PCDH15: variants seen among roughly 807,000 people sequenced by gnomAD.
PCDH15 encodes the protein protocadherin related 15, also known as protocadherin-15.
Under a neutral mutation model 178.5 loss-of-function variants are expected in PCDH15, and 129 were observed. The observed-to-expected ratio is 0.72, with a 90% CI of 0.63 to 0.84. PCDH15 has a LOEUF of 0.84. Among genes scored for constraint, PCDH15 ranks in the 40% least tolerant of loss-of-function variants. The pLI is 0.00. For missense variants in PCDH15, 2,230 were observed against 2,099.9 expected, an observed-to-expected ratio of 1.06 and a Z score of -1.21; for synonymous variants, 800 against 732.0, an observed-to-expected ratio of 1.09 and a Z score of -1.50.
intron 1 of PCDH15, among the ~76,000 whole-genome samples, chr10:54,683,612 A>G (rs1223001524): frequency 6.6e-6 from 1 of 152,062 alleles, no homozygotes; most frequent in Non-Finnish European, 1.5e-5. Context: ...AATTGATTTC[A>G]TTTCTTTATA....
intron 2 of PCDH15, among the ~76,000 whole-genome samples, chr10:55,369,043 G>C (rs1206779361): frequency 8.4e-6 from 1 of 118,790 alleles, no homozygotes; most frequent in African/African-American, 3.1e-5. Flanking sequence ...ACCCCAGCAA[G>C]AACATTGAAA....
At chr10:54,272,707 A>C (rs1271250117) in intron 8 of PCDH15, among the ~76,000 whole-genome samples, 1 of 152,108 alleles carries the variant, frequency 6.6e-6, no homozygotes, top group Non-Finnish European at 1.5e-5. Context: ...ACGCATCCTA[A>C]ACCAAACCAA....
chr10:55,541,866 G>T (rs1335339167), intron 2 of PCDH15, among the ~76,000 whole-genome samples: 1 of 151,872 alleles, frequency 6.6e-6, no homozygotes, highest in Non-Finnish European at 1.5e-5. Flanking sequence ...TCTCTCAGAA[G>T]CAGCGATTTG....
rs890495910 is a variant in PCDH15, at chr10:53,825,072, T to G, written c.4367+2321A>C. 16 of 1,456,406 alleles carry G rather than the reference T, an allele frequency of 1.1e-5. 1 individual carries two copies. The highest frequency in any genetic ancestry group is 4.4e-5 in the African/African-American group (3 of 68,726). The allele number at this position is 1,456,406 out of a possible 1,614,324, so 90.2% of individuals were successfully genotyped here. The stretch of plus-strand genomic sequence containing the variant: ...ACTGTATTTACAGTACAACAGCATT[T>G]TAATCTGTTCTATTGTATCTATTTT... On this transcript the variant is annotated intron_variant, in intron 32 of 37. Transcript: ENST00000644397.
At chr10:55,519,922 T>G in intron 2 of PCDH15, among the ~76,000 whole-genome samples, 2 of 151,062 alleles carry the variant, frequency 1.3e-5, no homozygotes, top group South Asian at 2.1e-4. Context: ...TGAATGTTAC[T>G]TAACTTCTCT....
intron 8 of PCDH15, among the ~76,000 whole-genome samples, chr10:54,308,815 C>G (rs1003898025): frequency 1.5e-4 from 23 of 151,766 alleles, no homozygotes; most frequent in Admixed American, 1.4e-3. Context: ...CCCCATGTCA[C>G]ACACCACTTT....
intron 2 of PCDH15, among the ~76,000 whole-genome samples, chr10:54,621,872 A>G (rs1480734296): frequency 6.6e-6 from 1 of 152,066 alleles, no homozygotes; most frequent in Admixed American, 6.6e-5. Flanking sequence ...CGATGTTGTA[A>G]AGGGGAAGAA....
intron 18 of PCDH15, among the ~76,000 whole-genome samples, chr10:54,028,491 A>G (rs1245043095): frequency 6.6e-6 from 1 of 152,064 alleles, no homozygotes; most frequent in Non-Finnish European, 1.5e-5. Flanking sequence ...ATGCACACAT[A>G]TGTTTATTGT....
At chr10:54,163,655 A>C (rs969271959) in intron 13 of PCDH15, among the ~76,000 whole-genome samples, 2 of 152,128 alleles carry the variant, frequency 1.3e-5, no homozygotes, top group Non-Finnish European at 2.9e-5. Context: ...ATAAAGAACT[A>C]AGAGGGATTT....
intron 3 of PCDH15, among the ~76,000 whole-genome samples, chr10:54,817,331 T>C (rs1952963061): frequency 6.6e-6 from 1 of 152,028 alleles, no homozygotes; most frequent in South Asian, 2.1e-4. Context: ...TATGTTATTT[T>C]AGAAATGAGG....
chr10:53,853,231 C>T (rs2078505492), intron 28 of PCDH15, among the ~76,000 whole-genome samples: 1 of 150,244 alleles, frequency 6.7e-6, no homozygotes, highest in African/African-American at 2.4e-5. Flanking sequence ...AAAAAAAAGG[C>T]TGGACCCTTA....
chr10:54,428,888 A>AGAC (rs1475043280), intron 3 of PCDH15, among the ~76,000 whole-genome samples: 1 of 152,220 alleles, frequency 6.6e-6, no homozygotes, highest in Non-Finnish European at 1.5e-5. Context: ...AGAGAAATAA[A>AGAC]GACCTTCACA....
At position 54,213,879 on chromosome 10, in the gene PCDH15, G is replaced by A. The variant is rs1473935121; in HGVS notation, c.1098+57C>T. ...AAAACTGCCTACAGTAGCGTCTACA[G>A]ATTTATCTGATTAGCAGTTCATAAA... On this transcript the variant is annotated intron_variant, in intron 10 of 37. Coordinates refer to ENST00000644397, the MANE Select transcript of PCDH15 (RefSeq NM_001384140.1). 4 of 1,136,872 alleles carry A rather than the reference G, an allele frequency of 3.5e-6. No homozygotes were observed. The African/African-American group carries it at 4.6e-5, about 13-fold the overall frequency. The allele number at this position is 1,136,872 out of a possible 1,614,324, so 70.4% of individuals were successfully genotyped here.
chr10:55,385,602 G>A (rs1470059127), intron 2 of PCDH15, among the ~76,000 whole-genome samples: 1 of 149,920 alleles, frequency 6.7e-6, no homozygotes, highest in Non-Finnish European at 1.5e-5. Flanking sequence ...CAAAATTTTT[G>A]AAGTTTCTGT....
chr10:54,154,349 A>G (rs556861295), intron 13 of PCDH15, among the ~76,000 whole-genome samples: 1 of 152,216 alleles, frequency 6.6e-6, no homozygotes, highest in East Asian at 1.9e-4. Flanking sequence ...TGTGGAATAA[A>G]GAAAACACAT....
At chr10:54,247,989 G>A (rs2056149267) in intron 8 of PCDH15, among the ~76,000 whole-genome samples, 1 of 148,690 alleles carries the variant, frequency 6.7e-6, no homozygotes, top group South Asian at 2.1e-4. Context: ...TTCTTAATAT[G>A]TGGAAATTAT....
chr10:55,348,546 C>T (rs1204892769), intron 2 of PCDH15, among the ~76,000 whole-genome samples: 1 of 152,002 alleles, frequency 6.6e-6, no homozygotes, highest in African/African-American at 2.4e-5. Context: ...AGTAAACACA[C>T]AAACATAGTG....
At chr10:54,220,862 AAATAAATAAGTAAAAT>A (rs2052719516) in intron 9 of PCDH15, among the ~76,000 whole-genome samples, 1 of 148,356 alleles carries the variant, frequency 6.7e-6, no homozygotes, top group African/African-American at 2.6e-5. Context: ...ATAAATAAAT[AAATAAATAAGTAAAAT>A]AAATACATCT....
At chr10:55,073,381 G>T (rs1298813677) in intron 2 of PCDH15, among the ~76,000 whole-genome samples, 2 of 152,052 alleles carry the variant, frequency 1.3e-5, no homozygotes, top group Non-Finnish European at 2.9e-5. Context: ...TCCTTAAGCT[G>T]ATAAGCAACT....
Sources: gnomAD v4.1 joint callset for allele counts (sites outside exome capture counted in the v4.1 genomes callset) on GRCh38, gnomAD v4.1.1 for gene constraint, MANE v1.5 for transcripts, NCBI Gene and HGNC (gene_info 2026-07-23, HGNC 2026-07-21) for gene names.